Variants in DCC observed in about 807,000 individuals in gnomAD.
DCC encodes the protein DCC netrin 1 receptor.
A neutral mutation model predicts 172.5 loss-of-function variants in DCC; 58 were observed. That is an observed-to-expected ratio of 0.34 (90% CI 0.27 to 0.42). DCC has a LOEUF of 0.42. DCC is among the 10% of genes least tolerant of loss of function. The pLI, the probability that DCC is intolerant of heterozygous loss-of-function variation, is 1.00. For synonymous variants in DCC, 709 were observed against 644.5 expected (o/e 1.10, Z -1.52); for missense variants, 1,740 against 1,791.0 (o/e 0.97, Z 0.51).
intron 11 of DCC, among the ~76,000 whole-genome samples, chr18:53,209,781 A>T (rs1047987055): frequency 6.6e-5 from 10 of 152,234 alleles, no homozygotes; most frequent in Non-Finnish European, 1.5e-4. Context: ...AAAACAAATG[A>T]AAGTGAATGT....
chr18:52,597,051 C>T (rs1294476738), intron 1 of DCC, among the ~76,000 whole-genome samples: 2 of 152,066 alleles, frequency 1.3e-5, no homozygotes, highest in African/African-American at 4.8e-5. Context: ...CCATATGTTC[C>T]CCTTTTGAAT....
chr18:52,883,706 G>C (rs1384394536), intron 2 of DCC, among the ~76,000 whole-genome samples: 1 of 112,154 alleles, frequency 8.9e-6, no homozygotes, highest in African/African-American at 3.2e-5. Context: ...GTTGTTCATT[G>C]TTAAGTCTTT....
intron 7 of DCC, among the ~76,000 whole-genome samples, chr18:53,125,976 T>G (rs8083977): frequency 6.6e-6 from 1 of 151,852 alleles, no homozygotes; most frequent in African/African-American, 2.4e-5. Context: ...AGTTATTGAG[T>G]GTATACAAGG....
intron 1 of DCC, among the ~76,000 whole-genome samples, chr18:52,481,606 A>C (rs1946447546): frequency 6.6e-6 from 1 of 152,054 alleles, no homozygotes; most frequent in Non-Finnish European, 1.5e-5. Context: ...TGCATACATA[A>C]AGAGTCTACT....
rs1252566391 is a variant in DCC at position 52,423,563 on chromosome 18, A to T, written c.91+82685A>T. 2.0e-5 allele frequency among the ~76,000 whole-genome samples: 3 copies of T among 152,112 alleles called. 1 individual carries two copies. In the South Asian group the frequency reaches 6.2e-4, roughly 32 times the overall value. On this transcript the variant is annotated intron_variant, in intron 1 of 28. Transcript: ENST00000442544. ...TTTTCTCCTGTCAGAAAAAAAAAAA[A>T]AGTTTCCATTCTGTCAGTAGGCAGA...
chr18:52,724,834 A>AGG, intron 1 of DCC, among the ~76,000 whole-genome samples: 1 of 152,250 alleles, frequency 6.6e-6, no homozygotes, highest in Middle Eastern at 3.4e-3. Flanking sequence ...CATTCTACAC[A>AGG]ATTCCTTCCC....
At chr18:52,899,789 C>G (rs2039784162) in intron 2 of DCC, among the ~76,000 whole-genome samples, 1 of 152,126 alleles carries the variant, frequency 6.6e-6, no homozygotes, top group Admixed American at 6.5e-5. Flanking sequence ...AGCTACCACT[C>G]CAAGGCTCCT....
At chr18:52,725,704 G>T (rs1228971584) in intron 1 of DCC, among the ~76,000 whole-genome samples, 1 of 152,172 alleles carries the variant, frequency 6.6e-6, no homozygotes, top group African/African-American at 2.4e-5. Flanking sequence ...GTTCAACAAG[G>T]TCGATGATTT....
intron 1 of DCC, among the ~76,000 whole-genome samples, chr18:52,459,626 C>G (rs1988565889): frequency 1.3e-5 from 2 of 151,954 alleles, no homozygotes; most frequent in African/African-American, 2.4e-5. Context: ...CGCCACCACG[C>G]CCGGCTAATT....
At chr18:52,529,345 C>T (rs985778645) in intron 1 of DCC, among the ~76,000 whole-genome samples, 6 of 152,192 alleles carry the variant, frequency 3.9e-5, no homozygotes, top group Admixed American at 3.9e-4. Flanking sequence ...GGCTGGAGTG[C>T]AGTGGCACGA....
At chr18:53,032,743 G>A (rs148984818) in intron 5 of DCC, among the ~76,000 whole-genome samples, 1 of 152,148 alleles carries the variant, frequency 6.6e-6, no homozygotes, top group Non-Finnish European at 1.5e-5. Context: ...AGGGTACAGA[G>A]TGCATGAGGA....
At chr18:52,593,642 G>A (rs1384449311) in intron 1 of DCC, among the ~76,000 whole-genome samples, 1 of 152,122 alleles carries the variant, frequency 6.6e-6, no homozygotes, top group Non-Finnish European at 1.5e-5. Context: ...AATCACTTAT[G>A]ATAAGTTTCA....
chr18:53,163,435 C>T (rs1400592726), intron 8 of DCC, among the ~76,000 whole-genome samples: 1 of 152,176 alleles, frequency 6.6e-6, no homozygotes, highest in African/African-American at 2.4e-5. Context: ...ATGCCACTGT[C>T]TCTTAGCAGT....
intron 17 of DCC, among the ~76,000 whole-genome samples, chr18:53,395,436 A>G (rs918833464): frequency 6.6e-6 from 1 of 152,120 alleles, no homozygotes; most frequent in African/African-American, 2.4e-5. Context: ...CTTACCTAAA[A>G]TACTTCTTAT....
At chr18:52,992,585 C>T (rs1171722404) in intron 5 of DCC, among the ~76,000 whole-genome samples, 2 of 152,134 alleles carry the variant, frequency 1.3e-5, no homozygotes, top group African/African-American at 4.8e-5. Context: ...CTCCTTAAGC[C>T]ACTGATTCTT....
In DCC at chr18:52,832,987, C is replaced by A. The variant is rs574363376; in HGVS notation, c.413-73057C>A. Among the ~76,000 whole-genome samples the A allele has an allele frequency of 2.0e-5, 3 of 152,144 alleles. No homozygotes were observed. The South Asian group carries it at 6.2e-4, about 32-fold the overall frequency. ...CTCTTAGATTAGCCATATGCATAGC[C>A]CTCTGCCATAGCCAAATGAGAATAT... On this transcript the variant is annotated intron_variant, in intron 2 of 28. Transcript: ENST00000442544.
chr18:53,084,428 A>G (rs1251629113), intron 7 of DCC, among the ~76,000 whole-genome samples: 1 of 152,200 alleles, frequency 6.6e-6, no homozygotes, highest in African/African-American at 2.4e-5. Context: ...GGAAATAAAT[A>G]TTAAATACAC....
chr18:52,681,061 T>C (rs1365651142), intron 1 of DCC, among the ~76,000 whole-genome samples: 1 of 152,084 alleles, frequency 6.6e-6, no homozygotes, highest in Admixed American at 6.6e-5. Context: ...TTACTCTATA[T>C]CAGACTTTAT....
At chr18:52,798,044 G>A (rs940276093) in intron 2 of DCC, among the ~76,000 whole-genome samples, 6 of 149,976 alleles carry the variant, frequency 4.0e-5, no homozygotes, top group Non-Finnish European at 9.0e-5. Context: ...CAGGTTGCTT[G>A]CACGAAGGTT....
Sources: gnomAD v4.1 joint callset for allele counts (sites outside exome capture counted in the v4.1 genomes callset) on GRCh38, gnomAD v4.1.1 for gene constraint, MANE v1.5 for transcripts, NCBI Gene and HGNC (gene_info 2026-07-23, HGNC 2026-07-21) for gene names.